EPS15: variants seen among roughly 807,000 people sequenced by gnomAD.
EPS15 encodes the protein epidermal growth factor receptor substrate 15.
Under a neutral mutation model 113.8 loss-of-function variants are expected in EPS15, and 72 were observed. The ratio of observed to expected loss-of-function variants is 0.63; its 90% CI spans 0.52 to 0.77. The LOEUF (loss-of-function observed/expected upper bound fraction) is 0.77, where lower values mean the gene tolerates loss of function less well. Ranked by LOEUF, EPS15 falls within the 30% of genes least tolerant of loss-of-function variation. The pLI, the probability that EPS15 is intolerant of heterozygous loss-of-function variation, is 0.00. For missense variants in EPS15, 1,048 were observed against 1,045.8 expected, an observed-to-expected ratio of 1.00 and a Z score of -0.03; for synonymous variants, 344 against 363.4, an observed-to-expected ratio of 0.95 and a Z score of 0.61.
intron 1 of EPS15, among the ~76,000 whole-genome samples, chr1:51,512,849 T>C (rs1485042558): frequency 1.3e-5 from 2 of 149,020 alleles, no homozygotes; most frequent in East Asian, 3.9e-4. Flanking sequence ...ATATCTTTTT[T>C]TTTTTTTTTT....
chr1:51,512,244 CAAT>C (rs928498253), intron 1 of EPS15, among the ~76,000 whole-genome samples: 64 of 152,222 alleles, frequency 4.2e-4, no homozygotes, highest in African/African-American at 1.4e-3. Flanking sequence ...TAAGAGGTCT[CAAT>C]AATACCCAAG....
chr1:51,357,385 AAAAAAAAT>A (rs1236846371), intron 24 of EPS15, among the ~76,000 whole-genome samples: 6 of 55,104 alleles, frequency 1.1e-4, no homozygotes, highest in Non-Finnish European at 1.7e-4. Context: ...TGAAAAAAAA[AAAAAAAAT>A]ATATATATAT....
intron 21 of EPS15, among the ~76,000 whole-genome samples, chr1:51,375,676 T>G (rs1646780148): frequency 6.6e-6 from 1 of 152,176 alleles, no homozygotes; most frequent in Non-Finnish European, 1.5e-5. Flanking sequence ...AAAAGATATT[T>G]AGGAACCACT....
intron 10 of EPS15, 38 bp downstream of exon 10, chr1:51,446,922 A>C (rs748257242): frequency 1.3e-6 from 2 of 1,524,502 alleles, no homozygotes; most frequent in Admixed American, 4.1e-5. Context: ...TTGATACAAA[A>C]CCATATTTTT....
At chr1:51,434,964 G>T (rs1652024218) in intron 12 of EPS15, among the ~76,000 whole-genome samples, 1 of 151,978 alleles carries the variant, frequency 6.6e-6, no homozygotes, top group African/African-American at 2.4e-5. Flanking sequence ...GAGCCACTGT[G>T]CCTGGCCATG....
At chr1:51,421,703 C>T in intron 13 of EPS15, 83 bp downstream of exon 13, 1 of 751,262 alleles carries the variant, frequency 1.3e-6, no homozygotes, top group East Asian at 2.8e-5. Flanking sequence ...AATACTACAT[C>T]CAGCAAATAG....
chr1:51,468,458 A>G lies in EPS15; in HGVS notation c.309+15T>C, dbSNP rs767174518. On this transcript the variant is annotated intron_variant, in intron 5 of 24. Transcript: ENST00000371733. ...TAAAAATTAAATACAATTTAAATCT[A>G]AAAGCATTTCTTACAAATCTTGGTG... 7.2e-6 allele frequency: 11 copies of G among 1,522,780 alleles called. No individual in the cohort carries two copies. The highest frequency in any genetic ancestry group is 1.0e-5 in the Non-Finnish European group (11 of 1,096,924). 94.3% of individuals were successfully genotyped at this position (1,522,780 alleles called of 1,614,324 possible).
At chr1:51,416,915 CAG>C (rs1650274456) in intron 13 of EPS15, among the ~76,000 whole-genome samples, 1 of 151,228 alleles carries the variant, frequency 6.6e-6, no homozygotes, top group Non-Finnish European at 1.5e-5. Context: ...TAGAAATAAT[CAG>C]ATACACTGTT....
chr1:51,406,049 C>A lies in EPS15; in HGVS notation c.1533G>T (p.Trp511Cys), dbSNP rs772241788. 4 of 1,614,160 alleles carry A rather than the reference C, an allele frequency of 2.5e-6. No individual in the cohort carries two copies. Among genetic ancestry groups the A allele is most frequent in the Admixed American group, 3.3e-5 (2 of 60,014 alleles). The change falls in exon 16 of 25, where the codon TGG becomes TGT. Residue 511 changes from tryptophan to cysteine, a missense_variant. Transcript: ENST00000371733. ...CAAGAATGCTGTGTGGGCTACTGCA[C>A]CAATTTAACTGACTATTATGATTTT... ...DLENHNSQLN[W>C]CSSPHSILVN... is the part of the protein sequence containing the mutation.
chr1:51,477,857 G>A (rs1328461255), intron 2 of EPS15, among the ~76,000 whole-genome samples: 3 of 152,182 alleles, frequency 2.0e-5, no homozygotes, highest in African/African-American at 4.8e-5. Flanking sequence ...ATTTGCTGAG[G>A]AGTGCTTTAC....
intron 12 of EPS15, among the ~76,000 whole-genome samples, chr1:51,427,849 A>T (rs1439771017): frequency 6.6e-6 from 1 of 152,194 alleles, no homozygotes; most frequent in Non-Finnish European, 1.5e-5. Context: ...AAGAAAACTC[A>T]AATTTGATAA....
Position 51,408,260 on chromosome 1 carries a change from C to G in EPS15, c.1348G>C (p.Ala450Pro). 6.2e-7 allele frequency: 1 copy of G among 1,613,982 alleles called. No homozygotes were observed. Among genetic ancestry groups the G allele is most frequent in the Non-Finnish European group, 8.5e-7 (1 of 1,179,864 alleles). ...TGTAGACGGCTCAGCTCTTCTCTAG[C>G]TTTTGCCAATTCTTCTTCGTAAGTG... Reference protein sequence around the residue: ...ISTYEEELAKAREELSRLQQE... With the variant: ...ISTYEEELAKPREELSRLQQE... The change falls in exon 15 of 25, where the codon GCT (alanine) becomes CCT (proline). Residue 450 changes from alanine (A) to proline (P), a missense_variant. Coordinates refer to ENST00000371733, the MANE Select transcript of EPS15 (RefSeq NM_001981.3).
intron 1 of EPS15, among the ~76,000 whole-genome samples, chr1:51,487,560 T>C (rs1224682727): frequency 2.0e-5 from 3 of 152,152 alleles, no homozygotes; most frequent in Non-Finnish European, 4.4e-5. Context: ...ACAGTATAAA[T>C]ACTTTGCCAA....
chr1:51,473,106 T>C (rs570827225), intron 2 of EPS15, among the ~76,000 whole-genome samples, 158 bp from the exon 3 acceptor site: 1 of 152,220 alleles, frequency 6.6e-6, no homozygotes, highest in Non-Finnish European at 1.5e-5. Context: ...TGGACAGACA[T>C]ATGAGTAGTA....
In EPS15 at chr1:51,517,529, G is replaced by A. The variant is rs1390305932; in HGVS notation, c.33+1670C>T. ...GTCTTTAAGAGCACAAAATCTTCAA[G>A]GGAAAACTCCTGCCAGAATTGGCCA... On this transcript the variant is annotated intron_variant, in intron 1 of 24. Transcript: ENST00000371733. Among the ~76,000 whole-genome samples, 7 of 152,160 alleles carry A rather than the reference G, an allele frequency of 4.6e-5. No homozygotes were observed. In the East Asian group the frequency reaches 1.3e-3, roughly 29 times the overall value.
At chr1:51,492,311 T>C (rs545343043) in intron 1 of EPS15, among the ~76,000 whole-genome samples, 54 of 152,306 alleles carry the variant, frequency 3.5e-4, no homozygotes, top group Non-Finnish European at 6.3e-4. Context: ...TAACATCTCA[T>C]GTTTGTTCCA....
At chr1:51,381,245 T>A (rs372740310) in intron 21 of EPS15, among the ~76,000 whole-genome samples, 2 of 152,228 alleles carry the variant, frequency 1.3e-5, no homozygotes. Flanking sequence ...AGACAGAACA[T>A]ACTTTAGGCC....
chr1:51,445,078 G>A, intron 10 of EPS15, 33 bp from the exon 11 acceptor site: 1 of 1,571,302 alleles, frequency 6.4e-7, no homozygotes, highest in African/African-American at 1.4e-5. Flanking sequence ...TGGTATGTAA[G>A]TGCCACAACT....
chr1:51,430,348 C>T (rs565550523), intron 12 of EPS15, among the ~76,000 whole-genome samples: 1 of 152,086 alleles, frequency 6.6e-6, no homozygotes, highest in East Asian at 1.9e-4. Flanking sequence ...GTGGGCAGAT[C>T]ACTGGAGGTC....
Sources: allele counts gnomAD v4.1 joint callset (sites outside exome capture counted in the v4.1 genomes callset), GRCh38; gene constraint gnomAD v4.1.1; transcripts MANE v1.5; gene names NCBI Gene and HGNC (gene_info 2026-07-23, HGNC 2026-07-21).